EPB41L1: variants seen among roughly 807,000 people sequenced by gnomAD.
EPB41L1 encodes the protein erythrocyte membrane protein band 4.1 like 1.
In EPB41L1, 29 loss-of-function variants were observed where a neutral mutation model predicts 97.8. The ratio of observed to expected loss-of-function variants is 0.30; its 90% CI spans 0.22 to 0.40. The LOEUF (loss-of-function observed/expected upper bound fraction) is 0.40, where lower values mean the gene tolerates loss of function less well. EPB41L1 is among the 10% of genes least tolerant of loss of function. The pLI, the probability that EPB41L1 is intolerant of heterozygous loss-of-function variation, is 1.00. For missense variants in EPB41L1, 812 were observed against 1,162.3 expected (o/e 0.70, Z 4.38); for synonymous variants, 383 against 459.2 (o/e 0.83, Z 2.12).
At chr20:36,124,691 G>T (rs2058891838) in intron 2 of EPB41L1, among the ~76,000 whole-genome samples, 1 of 152,046 alleles carries the variant, frequency 6.6e-6, no homozygotes, top group Non-Finnish European at 1.5e-5. Flanking sequence ...GTAGCTATTT[G>T]TCTTTTTCTT....
chr20:36,101,165 C>G lies in EPB41L1; in HGVS notation c.-65+9553C>G, dbSNP rs562512659. 4.6e-5 allele frequency among the ~76,000 whole-genome samples: 7 copies of G among 152,222 alleles called. No individual in the cohort carries two copies. The East Asian group carries it at 1.2e-3, about 25-fold the overall frequency. The stretch of plus-strand genomic sequence containing the variant: ...TGCAGGCTCAGTGACGGGTGGAACT[C>G]TGGAAGAAGTGGGGAGGGAGGCAGA... On this transcript the variant is annotated intron_variant, in intron 1 of 19. Coordinates refer to the EPB41L1 transcript ENST00000202028.
At chr20:36,202,034 A>G (rs1204514031) in intron 14 of EPB41L1, among the ~76,000 whole-genome samples, 3 of 152,192 alleles carry the variant, frequency 2.0e-5, no homozygotes, top group Non-Finnish European at 2.9e-5. Context: ...TTTTTCCTCA[A>G]TCTAAAGAAC....
Position 36,207,374 on chromosome 20 carries a change from G to A in EPB41L1, c.1669-2114G>A, listed in dbSNP as rs1488058157. 14 of 1,289,270 alleles carry A rather than the reference G, an allele frequency of 1.1e-5. No homozygotes were observed. Among genetic ancestry groups the A allele is most frequent in the East Asian group, 1.1e-4 (2 of 18,030 alleles). The allele number at this position is 1,289,270 out of a possible 1,614,324, so 79.9% of individuals were successfully genotyped here. On this transcript the variant is annotated intron_variant, in intron 14 of 21. Coordinates refer to ENST00000338074, the MANE Select transcript of EPB41L1 (RefSeq NM_012156.2). This position sits in a 1 kb window ranked among gnomAD's most constrained non-coding sequence, Gnocchi z 4.9. ...GGGTTTGGGTTCCCTTCAGGGAAGCGAAGGGAGATGACCTCTTTCCAGGCT... is the reference window on the plus strand; with the variant it reads ...GGGTTTGGGTTCCCTTCAGGGAAGCAAAGGGAGATGACCTCTTTCCAGGCT...
intron 1 of EPB41L1, among the ~76,000 whole-genome samples, chr20:36,167,920 G>C (rs1322341499): frequency 6.6e-6 from 1 of 151,964 alleles, no homozygotes; most frequent in Non-Finnish European, 1.5e-5. Flanking sequence ...AATGGTGATG[G>C]AGAAAAGAAG....
At chr20:36,181,265 A>G (rs1410048352) in intron 5 of EPB41L1, among the ~76,000 whole-genome samples, 1 of 152,158 alleles carries the variant, frequency 6.6e-6, no homozygotes. Context: ...TGGTCTGACC[A>G]TTGTTGTGGA....
At chr20:36,146,781 G>A (rs939831751) in intron 2 of EPB41L1, among the ~76,000 whole-genome samples, 3 of 151,998 alleles carry the variant, frequency 2.0e-5, no homozygotes, top group African/African-American at 4.8e-5. Context: ...AATTCTGCTG[G>A]GTCTGGCTTG....
chr20:36,119,733 C>T (rs936807429), intron 2 of EPB41L1, among the ~76,000 whole-genome samples: 2 of 151,944 alleles, frequency 1.3e-5, no homozygotes, highest in Non-Finnish European at 2.9e-5. Context: ...TCATGTCAGT[C>T]CAGGGTGCCC....
upstream of EPB41L1, among the ~76,000 whole-genome samples, chr20:36,150,070 GTTTTTTTT>G (rs112537871): frequency 7.1e-6 from 1 of 141,582 alleles, no homozygotes; most frequent in African/African-American, 2.6e-5. Context: ...AGGTTTTTTT[GTTTTTTTT>G]TTTTTTGAGA....
chr20:36,100,833 C>T (rs769102984), intron 1 of EPB41L1, among the ~76,000 whole-genome samples: 34 of 152,278 alleles, frequency 2.2e-4, no homozygotes, highest in Admixed American at 4.6e-4. Flanking sequence ...AGGAATCTTC[C>T]CTCCCAGGCC....
intron 2 of EPB41L1, among the ~76,000 whole-genome samples, chr20:36,175,095 G>A (rs1049790545): frequency 1.3e-5 from 2 of 152,196 alleles, no homozygotes; most frequent in Non-Finnish European, 2.9e-5. Flanking sequence ...GTTAGGACCC[G>A]GGGCGGGCGG....
chr20:36,205,021 C>T (rs1337486631), intron 14 of EPB41L1, among the ~76,000 whole-genome samples: 6 of 152,208 alleles, frequency 3.9e-5, no homozygotes, highest in Non-Finnish European at 8.8e-5. Flanking sequence ...TTCTTTTCTG[C>T]TCTTTCTATG....
rs541996880 is a variant in EPB41L1, at chr20:36,189,199, C to CT, written c.1026+704dup. On this transcript the variant is annotated intron_variant, in intron 9 of 21. Transcript: ENST00000338074. ...CACACCCGCCTCCAGCATCCCCCAT[C>CT]TTTTGCCTGTGCCTATGAGGGCCTT... Among the ~76,000 whole-genome samples, 106 of 152,296 alleles carry CT rather than the reference C, an allele frequency of 7.0e-4. 2 individuals carry two copies. The South Asian group carries it at 0.021, about 30-fold the overall frequency.
intron 9 of EPB41L1, among the ~76,000 whole-genome samples, chr20:36,189,191 TC>T (rs1303794563): frequency 6.6e-6 from 1 of 152,092 alleles, no homozygotes. Flanking sequence ...GCCTCCAGCA[TC>T]CCCCATCTTT....
At chr20:36,145,663 T>A (rs1274523974) in intron 2 of EPB41L1, among the ~76,000 whole-genome samples, 1 of 152,208 alleles carries the variant, frequency 6.6e-6, no homozygotes, top group Non-Finnish European at 1.5e-5. Context: ...TCTGACACTA[T>A]CCACCATTGC....
intron 1 of EPB41L1, chr20:36,155,253 C>T (rs2060244674): frequency 6.7e-6 from 3 of 448,964 alleles, no homozygotes; most frequent in South Asian, 4.7e-5. Context: ...CTGCTTCTGA[C>T]GCTGCAGGAG....
chr20:36,204,728 G>A (rs1195505935), intron 14 of EPB41L1, among the ~76,000 whole-genome samples: 6 of 151,090 alleles, frequency 4.0e-5, no homozygotes, highest in Admixed American at 1.3e-4. Flanking sequence ...TGCAACCTCC[G>A]CCTCCCAGAT....
rs571519746 is a variant in EPB41L1, at chr20:36,229,533, C to T, written c.*193C>T. On this transcript the variant is annotated 3_prime_UTR_variant, in exon 22 of 22. Coordinates refer to ENST00000338074, the MANE Select transcript of EPB41L1 (RefSeq NM_012156.2). ...ATATAGATATATATACAGGAAACACCGCATCCTTGCACTGCTGCTGGGGCT... is the reference window on the plus strand; with the variant it reads ...ATATAGATATATATACAGGAAACACTGCATCCTTGCACTGCTGCTGGGGCT... 1.9e-4 allele frequency: 100 copies of T among 522,212 alleles called. No individual in the cohort carries two copies. Among genetic ancestry groups the T allele is most frequent in the Admixed American group, 4.3e-4 (15 of 35,068 alleles). The allele number at this position is 522,212 out of a possible 1,614,324, so 32.3% of individuals were successfully genotyped here. A position where few individuals can be genotyped will look rare whatever the true frequency, so the allele number is the denominator to read the frequency against.
chr20:36,188,897 G>GA (rs368614367), intron 9 of EPB41L1, among the ~76,000 whole-genome samples: 18 of 141,958 alleles, frequency 1.3e-4, no homozygotes, highest in South Asian at 2.2e-4. Context: ...AAAAAAGGGA[G>GA]AAAAAAAAAA....
intron 1 of EPB41L1, among the ~76,000 whole-genome samples, chr20:36,097,055 T>A (rs1432808499): frequency 2.0e-5 from 3 of 152,228 alleles, no homozygotes; most frequent in African/African-American, 7.2e-5. Flanking sequence ...AGGAGGAGGC[T>A]CCTCAGGAGA....
Sources: allele counts gnomAD v4.1 joint callset (sites outside exome capture counted in the v4.1 genomes callset), GRCh38; gene constraint gnomAD v4.1.1; non-coding constraint Gnocchi (gnomAD v3.1); transcripts MANE v1.5; gene names NCBI Gene and HGNC (gene_info 2026-07-23, HGNC 2026-07-21).